Variants in NOS1AP observed in about 807,000 individuals in gnomAD.
NOS1AP encodes carboxyl-terminal PDZ ligand of neuronal nitric oxide synthase protein.
In NOS1AP, 21 loss-of-function variants were observed where a neutral mutation model predicts 56.2. That is an observed-to-expected ratio of 0.37 (90% CI 0.26 to 0.54). The LOEUF is 0.54. Among genes scored for constraint, NOS1AP ranks in the 20% least tolerant of loss-of-function variants. The pLI, the probability that NOS1AP is intolerant of heterozygous loss-of-function variation, is 0.84. For missense variants in NOS1AP, 522 were observed against 657.8 expected (o/e 0.79, Z 2.26); for synonymous variants, 270 against 274.6 (o/e 0.98, Z 0.17).
At chr1:162,278,699 G>C (rs954114956) in intron 2 of NOS1AP, among the ~76,000 whole-genome samples, 30 of 151,478 alleles carry the variant, frequency 2.0e-4, no homozygotes, top group African/African-American at 5.8e-4. Flanking sequence ...GTGTGTGTGT[G>C]TGTGTGTGTG....
chr1:162,250,563 C>CT (rs59260929), intron 2 of NOS1AP, among the ~76,000 whole-genome samples: 149,118 of 152,194 alleles, frequency 0.98, 73,129 homozygotes, highest in East Asian at 1. Context: ...TGGGAAAGCC[C>CT]CCCTCCATAG....
chr1:162,277,468 T>C (rs181839381), intron 2 of NOS1AP, among the ~76,000 whole-genome samples: 5 of 152,340 alleles, frequency 3.3e-5, no homozygotes, highest in African/African-American at 1.2e-4. Flanking sequence ...CTACTGTAGT[T>C]TCTCTCTTCC....
intron 1 of NOS1AP, among the ~76,000 whole-genome samples, chr1:162,148,580 C>T (rs1032446889): frequency 6.6e-6 from 1 of 152,176 alleles, no homozygotes; most frequent in Non-Finnish European, 1.5e-5. Context: ...GATTGAGGAA[C>T]TTCTGAATAA....
chr1:162,110,315 G>T (rs912832685), intron 1 of NOS1AP, among the ~76,000 whole-genome samples: 3 of 124,984 alleles, frequency 2.4e-5, no homozygotes, highest in Non-Finnish European at 4.7e-5. Context: ...CTTTTAACAT[G>T]CCCAAGGAAA....
In NOS1AP at chr1:162,370,050, G is replaced by C. The variant is rs1317535252; in HGVS notation, c.*2583G>C. Reference sequence around the variant, plus strand: ...TATATGGAGGACAAATGGACACCAGGGGTGCTAACCTTATTGGTGCCTGCC... The same window carrying C: ...TATATGGAGGACAAATGGACACCAGCGGTGCTAACCTTATTGGTGCCTGCC... On this transcript the variant is annotated 3_prime_UTR_variant, in exon 10 of 10. Transcript: ENST00000361897. The C allele has an allele frequency of 6.6e-6, 1 of 152,174 alleles. No homozygotes were observed. Among genetic ancestry groups the C allele is most frequent in the Non-Finnish European group, 1.5e-5 (1 of 68,042 alleles). 9.4% of individuals were successfully genotyped at this position (152,174 alleles called of 1,614,324 possible). A position where few individuals can be genotyped will look rare whatever the true frequency, so the allele number is the denominator to read the frequency against.
rs1324276833 is a variant in NOS1AP at position 162,315,125 on chromosome 1, A to G, written c.344+14419A>G. Among the ~76,000 whole-genome samples the G allele has an allele frequency of 2.0e-5, 3 of 152,214 alleles. 1 individual carries two copies. Among genetic ancestry groups the G allele is most frequent in the East Asian group, 3.8e-4 (2 of 5,196 alleles). On this transcript the variant is annotated intron_variant, in intron 4 of 9. Coordinates refer to ENST00000361897, the MANE Select transcript of NOS1AP (RefSeq NM_014697.3). ...CCTCAGTGTCCTTGGAATCACATGGATGATGGGAATGTTGGCCTAGGGCCT... is the reference window on the plus strand; with the variant it reads ...CCTCAGTGTCCTTGGAATCACATGGGTGATGGGAATGTTGGCCTAGGGCCT...
intron 2 of NOS1AP, among the ~76,000 whole-genome samples, chr1:162,198,615 A>C (rs577451031): frequency 6.6e-6 from 1 of 152,230 alleles, no homozygotes; most frequent in Non-Finnish European, 1.5e-5. Context: ...GTACATCTGC[A>C]TGGTATTTGT....
intron 2 of NOS1AP, among the ~76,000 whole-genome samples, chr1:162,182,018 A>G (rs1007157867): frequency 1.3e-5 from 2 of 152,130 alleles, no homozygotes; most frequent in Non-Finnish European, 2.9e-5. Flanking sequence ...TTCTATTTAC[A>G]TTGTTATTTT....
In NOS1AP at chr1:162,357,116, A is replaced by G; in HGVS notation, c.919A>G (p.Thr307Ala). 6.2e-7 allele frequency: 1 copy of G among 1,608,540 alleles called. No individual in the cohort carries two copies. The highest frequency in any genetic ancestry group is 1.7e-5 in the Admixed American group (1 of 60,020). Reference sequence around the variant, plus strand: ...GCTCCTCCAGCAGCAGCAGCAGCAGACACAAGTGGCTGTGGCCCAGGTTCT... The same window carrying G: ...GCTCCTCCAGCAGCAGCAGCAGCAGGCACAAGTGGCTGTGGCCCAGGTTCT... ...QQLLQQQQQQ[T>A]QVAVAQVHLL... The change falls in exon 8 of 10, where the codon ACA becomes GCA. Residue 307 changes from threonine (T) to alanine (A), a missense_variant. Coordinates refer to ENST00000361897, the MANE Select transcript of NOS1AP (RefSeq NM_014697.3).
rs1018143260 is a variant in NOS1AP, at chr1:162,188,034, C to T, written c.177+33558C>T. 6.6e-6 allele frequency among the ~76,000 whole-genome samples: 1 copy of T among 152,138 alleles called. No homozygotes were observed. Among genetic ancestry groups the T allele is most frequent in the Non-Finnish European group, 1.5e-5 (1 of 68,016 alleles). ...GGCTTGCCATCTTACTGTGAAGAAGCCCCTTCCTAGCAAGGAAAACTAGCA... is the reference window on the plus strand; with the variant it reads ...GGCTTGCCATCTTACTGTGAAGAAGTCCCTTCCTAGCAAGGAAAACTAGCA... On this transcript the variant is annotated intron_variant, in intron 2 of 9. Transcript: ENST00000361897. This position sits in a 1 kb window ranked among gnomAD's most constrained non-coding sequence, Gnocchi z 4.0.
chr1:162,247,420 C>G (rs536494567), intron 2 of NOS1AP, among the ~76,000 whole-genome samples: 5 of 152,172 alleles, frequency 3.3e-5, no homozygotes, highest in Non-Finnish European at 7.3e-5. Flanking sequence ...CCTCCTTTGT[C>G]TGATTCCCAG....
intron 1 of NOS1AP, among the ~76,000 whole-genome samples, chr1:162,103,282 G>A (rs895755871): frequency 7.9e-5 from 12 of 151,848 alleles, no homozygotes; most frequent in African/African-American, 1.7e-4. Context: ...ATTTGATTGC[G>A]CTATGGTATG....
At chr1:162,314,296 G>T (rs756232903) in intron 4 of NOS1AP, among the ~76,000 whole-genome samples, 2 of 152,234 alleles carry the variant, frequency 1.3e-5, no homozygotes, top group Non-Finnish European at 2.9e-5. Context: ...GCCTCTCTGG[G>T]CCTGGCCCTA....
intron 2 of NOS1AP, among the ~76,000 whole-genome samples, chr1:162,278,515 A>G (rs1234288835): frequency 6.6e-6 from 1 of 152,098 alleles, no homozygotes; most frequent in East Asian, 1.9e-4. Context: ...AACATGATTG[A>G]TTACCTTCTT....
At position 162,312,519 on chromosome 1, in the gene NOS1AP, C is replaced by T. The variant is rs1351888777; in HGVS notation, c.344+11813C>T. 1.4e-3 allele frequency among the ~76,000 whole-genome samples: 195 copies of T among 135,770 alleles called. 1 individual carries two copies. The highest frequency in any genetic ancestry group is 2.2e-3 in the Non-Finnish European group (138 of 63,246). The allele number at this position is 135,770 out of a possible 152,430, so 89.1% of individuals were successfully genotyped here. On this transcript the variant is annotated intron_variant, in intron 4 of 9. Transcript: ENST00000361897. ...GATGAGTAGGTTGTGAAAATTTTCT[C>T]CCATTTTGTAGGTTGCCTGTTCACT...
intron 2 of NOS1AP, among the ~76,000 whole-genome samples, chr1:162,194,425 A>G (rs1181158349): frequency 6.6e-6 from 1 of 152,052 alleles, no homozygotes; most frequent in Non-Finnish European, 1.5e-5. Flanking sequence ...TCCTCCCCGT[A>G]TTTAAGTACC....
intron 4 of NOS1AP, among the ~76,000 whole-genome samples, chr1:162,312,112 T>C (rs1247930804): frequency 6.6e-6 from 1 of 151,154 alleles, no homozygotes; most frequent in African/African-American, 2.5e-5. Flanking sequence ...ATGGGATGGC[T>C]GGGTCAAATG....
chr1:162,277,617 G>A (rs544166116), intron 2 of NOS1AP, among the ~76,000 whole-genome samples: 1 of 152,322 alleles, frequency 6.6e-6, no homozygotes, highest in African/African-American at 2.4e-5. Flanking sequence ...AATTCAACGG[G>A]TAGAAGACTT....
chr1:162,158,367 C>A (rs567448364), intron 2 of NOS1AP, among the ~76,000 whole-genome samples: 1 of 152,276 alleles, frequency 6.6e-6, no homozygotes, highest in South Asian at 2.1e-4. Context: ...TGTATATATA[C>A]CACATTAAAA....
Sources: gnomAD v4.1 joint callset for allele counts (sites outside exome capture counted in the v4.1 genomes callset) on GRCh38, gnomAD v4.1.1 for gene constraint, Gnocchi (gnomAD v3.1) non-coding constraint, MANE v1.5 for transcripts, NCBI Gene and HGNC (gene_info 2026-07-23, HGNC 2026-07-21) for gene names.